The following RSBN1L variants were observed in gnomAD, a reference collection of about 807,000 sequenced individuals.
RSBN1L encodes the protein lysine-specific demethylase RSBN1L.
A neutral mutation model predicts 67.7 loss-of-function variants in RSBN1L; 30 were observed. That is an observed-to-expected ratio of 0.44 (90% CI 0.33 to 0.60). The LOEUF is 0.60. RSBN1L is among the 20% of genes least tolerant of loss of function. The pLI, the probability that RSBN1L is intolerant of heterozygous loss-of-function variation, is 0.02. For synonymous variants in RSBN1L, 433 were observed against 387.0 expected (o/e 1.12, Z -1.39); for missense variants, 992 against 1,031.7 (o/e 0.96, Z 0.53).
chr7:77,736,603 G>C, intron 2 of RSBN1L, 77 bp downstream of exon 2: 5 of 795,596 alleles, frequency 6.3e-6, no homozygotes, highest in East Asian at 3.9e-5. Context: ...AATAAAATAA[G>C]AAATGTTATT....
chr7:77,714,820 G>T (rs1417659940), intron 1 of RSBN1L, among the ~76,000 whole-genome samples: 1 of 151,968 alleles, frequency 6.6e-6, no homozygotes, highest in East Asian at 1.9e-4. Flanking sequence ...AAAGTTAGCT[G>T]GGCATGGTGG....
At chr7:77,720,587 T>C (rs1791102328) in intron 1 of RSBN1L, among the ~76,000 whole-genome samples, 1 of 152,086 alleles carries the variant, frequency 6.6e-6, no homozygotes, top group African/African-American at 2.4e-5. Context: ...ACAAGTGTTA[T>C]TATCTATACA....
intron 4 of RSBN1L, 74 bp from the exon 5 acceptor site, chr7:77,768,587 C>T: frequency 8.9e-7 from 1 of 1,128,156 alleles, no homozygotes; most frequent in Non-Finnish European, 1.2e-6. Context: ...GTCAGGGGAA[C>T]AATATTATTA....
At chr7:77,766,047 AT>A (rs1265600985) in intron 4 of RSBN1L, among the ~76,000 whole-genome samples, 1 of 152,230 alleles carries the variant, frequency 6.6e-6, no homozygotes, top group Non-Finnish European at 1.5e-5. Context: ...CCTAAACTAA[AT>A]TCCAGGAAAA....
chr7:77,712,918 T>C (rs1225934126), intron 1 of RSBN1L, among the ~76,000 whole-genome samples: 3 of 152,222 alleles, frequency 2.0e-5, no homozygotes, highest in African/African-American at 7.2e-5. Flanking sequence ...ACTTTAAATT[T>C]TGATAAATAA....
At chr7:77,699,755 G>A (rs1171110486) in intron 1 of RSBN1L, among the ~76,000 whole-genome samples, 1 of 151,518 alleles carries the variant, frequency 6.6e-6, no homozygotes, top group Non-Finnish European at 1.5e-5. Flanking sequence ...CCAAGTAAAA[G>A]TTAAATTTCT....
chr7:77,738,667 G>A (rs561714543), intron 2 of RSBN1L, among the ~76,000 whole-genome samples: 8 of 152,112 alleles, frequency 5.3e-5, no homozygotes, highest in Non-Finnish European at 1.2e-4. Flanking sequence ...AACAAAATTG[G>A]CCAGGCACAG....
chr7:77,760,969 T>A (rs1012708046), intron 3 of RSBN1L, among the ~76,000 whole-genome samples: 2 of 152,220 alleles, frequency 1.3e-5, no homozygotes, highest in East Asian at 1.9e-4. Context: ...TTTTTTCAGG[T>A]TAATTTTTTA....
At chr7:77,745,286 G>GA (rs994038972) in intron 2 of RSBN1L, among the ~76,000 whole-genome samples, 15 of 151,084 alleles carry the variant, frequency 9.9e-5, no homozygotes, top group Admixed American at 8.6e-4. Context: ...AAAGTTGACT[G>GA]AAAGGAAGAT....
chr7:77,766,106 T>C (rs762585154), intron 4 of RSBN1L, among the ~76,000 whole-genome samples: 6 of 152,228 alleles, frequency 3.9e-5, no homozygotes, highest in Non-Finnish European at 7.3e-5. Flanking sequence ...GCTGTACTTA[T>C]CTGGGTTGGG....
Position 77,778,379 on chromosome 7 carries a change from A to G in RSBN1L, c.1835A>G (p.His612Arg). The stretch of plus-strand genomic sequence containing the variant: ...ATAACCAAAGATGTAATTTGTTTTC[A>G]TGCTGAAGATTTCTTAGAAGTAGTT... ...PRITKDVICFHAEDFLEVVQR... is the reference protein window; with the variant it reads ...PRITKDVICFRAEDFLEVVQR... Residue 612 changes from histidine (H) to arginine (R), a missense_variant, in exon 7 of 8, where the codon CAT (histidine) becomes CGT (arginine). His to Arg is a conservative substitution (Grantham distance 29). This residue lies in a region of RSBN1L where 55 missense variants were observed against 112.8 expected (regional missense o/e 0.49). Transcript: ENST00000334955. 1 of 1,613,224 alleles carries G rather than the reference A, an allele frequency of 6.2e-7. No individual in the cohort carries two copies. The highest frequency in any genetic ancestry group is 1.7e-5 in the Admixed American group (1 of 59,876).
At chr7:77,770,713 T>A (rs1023554524) in intron 5 of RSBN1L, among the ~76,000 whole-genome samples, 1 of 152,134 alleles carries the variant, frequency 6.6e-6, no homozygotes, top group Non-Finnish European at 1.5e-5. Flanking sequence ...GTTAAAGTTT[T>A]AAAAAATGTC....
intron 1 of RSBN1L, among the ~76,000 whole-genome samples, chr7:77,722,815 T>C (rs937896448): frequency 1.3e-5 from 2 of 151,962 alleles, no homozygotes; most frequent in African/African-American, 4.8e-5. Context: ...GTTGATTTCA[T>C]GGACTGCGTT....
intron 1 of RSBN1L, among the ~76,000 whole-genome samples, chr7:77,734,410 T>C (rs1443570879): frequency 6.6e-6 from 1 of 152,184 alleles, no homozygotes; most frequent in African/African-American, 2.4e-5. Context: ...TTAAGTGATA[T>C]ATAAATAGTT....
Position 77,778,435 on chromosome 7 carries a change from C to T in RSBN1L, c.1891C>T (p.Pro631Ser). 6 of 1,609,814 alleles carry T rather than the reference C, an allele frequency of 3.7e-6. No individual in the cohort carries two copies. The highest frequency in any genetic ancestry group is 5.1e-6 in the Non-Finnish European group (6 of 1,177,850). Reference protein sequence around the residue: ...QRMQLDLHEPPLSQCVQWVDD... With the variant: ...QRMQLDLHEPSLSQCVQWVDD... The stretch of plus-strand genomic sequence containing the variant: ...AATGCAGTTAGATTTACATGAACCT[C>T]CACTGTCCCAGGTATTTTTAATACA... Residue 631 changes from proline to serine, a missense_variant, in exon 7 of 8, where the codon CCA becomes TCA. This residue lies in a region of RSBN1L where 55 missense variants were observed against 112.8 expected (regional missense o/e 0.49). Transcript: ENST00000334955.
intron 3 of RSBN1L, among the ~76,000 whole-genome samples, chr7:77,755,364 A>G (rs531916472): frequency 6.6e-6 from 1 of 152,180 alleles, no homozygotes; most frequent in Non-Finnish European, 1.5e-5. Context: ...TTGAAAATGC[A>G]TTTAAAACTC....
chr7:77,699,088 A>G (rs1323312742), intron 1 of RSBN1L, among the ~76,000 whole-genome samples: 1 of 152,226 alleles, frequency 6.6e-6, no homozygotes, highest in African/African-American at 2.4e-5. Flanking sequence ...TTGCAATACA[A>G]TGATCATTTC....
Position 77,702,272 on chromosome 7 carries a change from A to C in RSBN1L, c.586+5217A>C, listed in dbSNP as rs567920599. Among the ~76,000 whole-genome samples the C allele has an allele frequency of 7.3e-4, 111 of 152,258 alleles. 1 individual carries two copies. Among genetic ancestry groups the C allele is most frequent in the Admixed American group, 1.4e-3 (21 of 15,290 alleles). On this transcript the variant is annotated intron_variant, in intron 1 of 7. Coordinates refer to ENST00000334955, the MANE Select transcript of RSBN1L (RefSeq NM_198467.3). ...TGAGCCACTGCGCCTGGAAAAGTTT[A>C]AGCCTTTAATAAGAATTTTTAAGAG...
intron 1 of RSBN1L, among the ~76,000 whole-genome samples, chr7:77,707,633 A>G (rs1370654370): frequency 3.3e-5 from 5 of 152,188 alleles, no homozygotes; most frequent in Non-Finnish European, 7.3e-5. Context: ...TGAATTTTAT[A>G]TCTTAAAGGA....
Sources: gnomAD v4.1 joint callset for allele counts (sites outside exome capture counted in the v4.1 genomes callset) on GRCh38, gnomAD v4.1.1 for gene constraint, gnomAD v4.1.1 regional missense constraint, MANE v1.5 for transcripts, NCBI Gene and HGNC (gene_info 2026-07-23, HGNC 2026-07-21) for gene names.